Variants in CCDC192 observed in about 807,000 individuals in gnomAD.
CCDC192 encodes the protein coiled-coil domain containing 192.
chr5:127,739,102 G>A (rs1282878432), intron 2 of CCDC192, among the ~76,000 whole-genome samples: 4 of 152,206 alleles, frequency 2.6e-5, no homozygotes, highest in Non-Finnish European at 5.9e-5. Context: ...GTACAGATGG[G>A]TTTTTGGTGT....
chr5:127,709,210 A>G (rs1417722224), intron 2 of CCDC192, among the ~76,000 whole-genome samples: 17 of 19,382 alleles, frequency 8.8e-4, no homozygotes, highest in African/African-American at 2.9e-3. Context: ...GGGGAGAGAG[A>G]GAGAGAGAGA....
chr5:127,757,251 G>T (rs1311697968), intron 3 of CCDC192, among the ~76,000 whole-genome samples: 2 of 152,194 alleles, frequency 1.3e-5, no homozygotes, highest in Non-Finnish European at 1.5e-5. Flanking sequence ...CATGTTAATT[G>T]TACTAAAGGA....
At chr5:127,867,369 T>C (rs1489083402) in intron 5 of CCDC192, among the ~76,000 whole-genome samples, 1 of 152,226 alleles carries the variant, frequency 6.6e-6, no homozygotes, top group Non-Finnish European at 1.5e-5. Flanking sequence ...TTTGTAATCA[T>C]GTTAGAAGAG....
chr5:127,789,632 C>T (rs185114403), intron 3 of CCDC192, among the ~76,000 whole-genome samples: 1 of 152,326 alleles, frequency 6.6e-6, no homozygotes, highest in East Asian at 1.9e-4. Context: ...AAACACGGAC[C>T]TAATCAGTAC....
chr5:127,788,099 A>AG (rs1437572019), intron 3 of CCDC192, among the ~76,000 whole-genome samples: 5 of 151,586 alleles, frequency 3.3e-5, no homozygotes, highest in East Asian at 3.9e-4. Context: ...AAAAAAAAAA[A>AG]AAAAGGGGGG....
At chr5:127,732,925 A>T (rs899095846) in intron 2 of CCDC192, among the ~76,000 whole-genome samples, 17 of 152,040 alleles carry the variant, frequency 1.1e-4, no homozygotes, top group Non-Finnish European at 2.5e-4. Flanking sequence ...GGGTTGATAG[A>T]TGCAGCAAAT....
chr5:127,844,552 C>T (rs1177407985), intron 5 of CCDC192, among the ~76,000 whole-genome samples: 1 of 152,180 alleles, frequency 6.6e-6, no homozygotes, highest in Non-Finnish European at 1.5e-5. Context: ...GGTGTCTGCT[C>T]CTGCCCAGGT....
At chr5:127,723,587 T>G (rs566965949) in intron 2 of CCDC192, among the ~76,000 whole-genome samples, 104 of 152,326 alleles carry the variant, frequency 6.8e-4, no homozygotes, top group African/African-American at 2.4e-3. Context: ...AGAAAATTAC[T>G]TTTCAAAACT....
At chr5:127,777,870 C>T (rs1391898214) in intron 3 of CCDC192, among the ~76,000 whole-genome samples, 16 of 150,976 alleles carry the variant, frequency 1.1e-4, no homozygotes, top group East Asian at 1.9e-4. Flanking sequence ...TCTCCAGCCA[C>T]GTGGAACTGT....
At chr5:127,882,299 C>T (rs141011423) in intron 6 of CCDC192, among the ~76,000 whole-genome samples, 1,951 of 152,170 alleles carry the variant, frequency 0.013, 99 homozygotes, top group Admixed American at 0.094. Context: ...TGAGAAAGTC[C>T]GGAAATATAT....
chr5:127,703,798 C>G (rs1750811171), intron 1 of CCDC192, among the ~76,000 whole-genome samples: 1 of 152,136 alleles, frequency 6.6e-6, no homozygotes, highest in Non-Finnish European at 1.5e-5. Context: ...AGCCATTTTA[C>G]TGATGTGGGA....
At chr5:127,724,847 C>CAAAAAAAAA (rs71223028) in intron 2 of CCDC192, among the ~76,000 whole-genome samples, 1 of 120,942 alleles carries the variant, frequency 8.3e-6, no homozygotes, top group Non-Finnish European at 1.7e-5. Flanking sequence ...GACTCCGTCT[C>CAAAAAAAAA]AAAAAAAAAA....
intron 3 of CCDC192, among the ~76,000 whole-genome samples, chr5:127,762,565 GT>G (rs1454111426): frequency 3.3e-5 from 5 of 152,188 alleles, no homozygotes; most frequent in African/African-American, 1.2e-4. Context: ...GGCTTCTGTA[GT>G]ATATTGTTGT....
intron 2 of CCDC192, among the ~76,000 whole-genome samples, chr5:127,735,564 G>A (rs1752931457): frequency 1.2e-5 from 1 of 84,610 alleles, no homozygotes; most frequent in Non-Finnish European, 2.3e-5. Context: ...CCATGAGCAT[G>A]GAATGTTCTT....
rs369771532 is a variant in CCDC192, at chr5:127,772,810, C to T, written c.222+18435C>T. Among the ~76,000 whole-genome samples, 9 of 152,206 alleles carry T rather than the reference C, an allele frequency of 5.9e-5. No individual in the cohort carries two copies. The East Asian group carries it at 1.2e-3, about 20-fold the overall frequency. On this transcript the variant is annotated intron_variant, in intron 3 of 6. Coordinates refer to ENST00000514853, the MANE Select transcript of CCDC192 (RefSeq NM_001317938.2). ...GCTCTCCTGAACACATGGATGCTAG[C>T]TAATCCAAGTTGGGTTTTAGTTAGC...
chr5:127,920,405 G>C (rs1365075379), intron 6 of CCDC192, among the ~76,000 whole-genome samples: 1 of 139,516 alleles, frequency 7.2e-6, no homozygotes, highest in African/African-American at 2.9e-5. Flanking sequence ...GAACTGAAGA[G>C]GCTTTTTTTT....
At chr5:127,820,732 TTG>T (rs1749250788) in intron 5 of CCDC192, among the ~76,000 whole-genome samples, 1 of 152,322 alleles carries the variant, frequency 6.6e-6, no homozygotes, top group East Asian at 1.9e-4. Flanking sequence ...AGTTGATTTT[TTG>T]TTTGTTTTTA....
At chr5:127,896,834 C>A (rs1196037629) in intron 6 of CCDC192, among the ~76,000 whole-genome samples, 4 of 152,108 alleles carry the variant, frequency 2.6e-5, no homozygotes, top group Non-Finnish European at 4.4e-5. Flanking sequence ...CACAAAGGAC[C>A]AATCCCATAA....
At chr5:127,803,699 C>T (rs1757629990) in intron 5 of CCDC192, among the ~76,000 whole-genome samples, 1 of 152,128 alleles carries the variant, frequency 6.6e-6, no homozygotes, top group Admixed American at 6.6e-5. Flanking sequence ...TTACCTCCAT[C>T]CCAACGGCCA....
Sources: gnomAD v4.1 joint callset for allele counts (sites outside exome capture counted in the v4.1 genomes callset) on GRCh38, gnomAD v4.1.1 for gene constraint, MANE v1.5 for transcripts, NCBI Gene and HGNC (gene_info 2026-07-23, HGNC 2026-07-21) for gene names.